Variants in DTNA observed in about 807,000 individuals in gnomAD.
The protein encoded by DTNA is dystrobrevin alpha.
A neutral mutation model predicts 100.7 loss-of-function variants in DTNA; 43 were observed. The observed-to-expected ratio is 0.43, with a 90% confidence interval of 0.33 to 0.55. DTNA has a LOEUF of 0.55. Ranked by LOEUF, DTNA falls within the 20% of genes least tolerant of loss-of-function variation. The probability of loss-of-function intolerance (pLI) is 0.04; values close to 1 mark genes in which losing one functional copy is unlikely to be tolerated. For missense variants in DTNA, 798 were observed against 953.9 expected, an observed-to-expected ratio of 0.84 and a Z score of 2.15; for synonymous variants, 349 against 347.9, an observed-to-expected ratio of 1.00 and a Z score of -0.04.
chr18:34,506,433 G>A (rs1398214408), intron 1 of DTNA, among the ~76,000 whole-genome samples: 5 of 152,200 alleles, frequency 3.3e-5, no homozygotes, highest in African/African-American at 1.2e-4. Context: ...GTGGGGATGG[G>A]AGAAGTTGGG....
Position 34,889,057 on chromosome 18 carries a change from AGGG to A in DTNA, c.*1324_*1326del. ...AGTCTTTTCCAAGGACCCTCTTTAGAGGGCCCTAAAGACCTCCTTTGGGAATTC... is the reference window on the plus strand; with the variant it reads ...AGTCTTTTCCAAGGACCCTCTTTAGACCCTAAAGACCTCCTTTGGGAATTC... On this transcript the variant is annotated 3_prime_UTR_variant, in exon 23 of 23. Transcript: ENST00000444659. The A allele has an allele frequency of 1.0e-6, 1 of 985,808 alleles. No individual in the cohort carries two copies. The highest frequency in any genetic ancestry group is 1.2e-6 in the Non-Finnish European group (1 of 829,932). 61.1% of individuals were successfully genotyped at this position (985,808 alleles called of 1,614,324 possible). A position where few individuals can be genotyped will look rare whatever the true frequency, so the allele number is the denominator to read the frequency against.
intron 1 of DTNA, among the ~76,000 whole-genome samples, chr18:34,699,501 A>T (rs749113485): frequency 7.2e-5 from 11 of 152,216 alleles, no homozygotes; most frequent in Non-Finnish European, 1.6e-4. Context: ...TACCCTTGCA[A>T]ATACACCCAG....
At chr18:34,647,742 A>C (rs1021955423) in intron 1 of DTNA, among the ~76,000 whole-genome samples, 1 of 152,242 alleles carries the variant, frequency 6.6e-6, no homozygotes, top group Admixed American at 6.5e-5. Flanking sequence ...GTCTTAAAGA[A>C]AAGACATTAA....
rs774912781 is a variant in DTNA at position 34,794,127 on chromosome 18, G to A, written c.239G>A (p.Arg80His). 7.7e-5 allele frequency: 124 copies of A among 1,613,974 alleles called. No individual in the cohort carries two copies. Among genetic ancestry groups the A allele is most frequent in the Non-Finnish European group, 8.9e-5 (105 of 1,180,026 alleles). ...CCAAACACTGAACTCAACGTGTCCC[G>A]CTTAGAGGCTGTGCTCTCCACTATT... is the stretch of plus-strand genomic sequence containing the variant. ...LDPNTELNVS[R>H]LEAVLSTIFY... Residue 80 changes from arginine (R) to histidine (H), a missense_variant, in exon 4 of 23, where the codon CGC (arginine) becomes CAC (histidine). This residue lies in a region of DTNA where 197 missense variants were observed against 215.4 expected (regional missense o/e 0.91). Coordinates refer to ENST00000444659, the MANE Select transcript of DTNA (RefSeq NM_001386795.1).
At chr18:34,667,160 T>G (rs1369552882) in intron 1 of DTNA, among the ~76,000 whole-genome samples, 1 of 152,220 alleles carries the variant, frequency 6.6e-6, no homozygotes, top group East Asian at 1.9e-4. Context: ...GATGGATTCC[T>G]AGGTATTTTA....
At chr18:34,681,498 C>T (rs570913385) in intron 1 of DTNA, among the ~76,000 whole-genome samples, 16 of 152,190 alleles carry the variant, frequency 1.1e-4, no homozygotes, top group African/African-American at 3.9e-4. Context: ...CGTGAGCTTC[C>T]AGTCATTCCT....
At chr18:34,517,360 A>G (rs1443806863) in intron 1 of DTNA, among the ~76,000 whole-genome samples, 1 of 152,106 alleles carries the variant, frequency 6.6e-6, no homozygotes, top group East Asian at 1.9e-4. Context: ...AATTTACCCA[A>G]TGGTAACAGC....
At chr18:34,586,577 C>T (rs1004336191) in intron 1 of DTNA, among the ~76,000 whole-genome samples, 1 of 152,104 alleles carries the variant, frequency 6.6e-6, no homozygotes, top group Non-Finnish European at 1.5e-5. Flanking sequence ...TTGGCTATCA[C>T]CTGTCATTTT....
At chr18:34,511,319 A>G (rs1370701360) in intron 1 of DTNA, among the ~76,000 whole-genome samples, 2 of 152,124 alleles carry the variant, frequency 1.3e-5, no homozygotes, top group Non-Finnish European at 1.5e-5. Flanking sequence ...CATCTGTATT[A>G]TCTCAATCCT....
At chr18:34,581,590 G>A (rs567292619) in intron 1 of DTNA, among the ~76,000 whole-genome samples, 179 of 150,324 alleles carry the variant, frequency 1.2e-3, no homozygotes, top group Admixed American at 2.1e-3. Flanking sequence ...AAATATGGGG[G>A]CAATATGGCA....
chr18:34,523,203 A>G (rs1293880620), intron 1 of DTNA, among the ~76,000 whole-genome samples: 1 of 152,188 alleles, frequency 6.6e-6, no homozygotes, highest in Non-Finnish European at 1.5e-5. Flanking sequence ...AGAATCACCA[A>G]TATACTCCTT....
chr18:34,870,924 C>G (rs1308111387), intron 17 of DTNA, among the ~76,000 whole-genome samples: 1 of 152,212 alleles, frequency 6.6e-6, no homozygotes, highest in Non-Finnish European at 1.5e-5. Flanking sequence ...CCACAACACT[C>G]TATACACAAT....
chr18:34,885,107 C>T (rs550983036), intron 22 of DTNA, among the ~76,000 whole-genome samples: 1 of 152,122 alleles, frequency 6.6e-6, no homozygotes, highest in South Asian at 2.1e-4. Context: ...ATGACAATAT[C>T]GGAGTTTGTA....
chr18:34,812,333 CTG>C (rs1357054017), intron 6 of DTNA, among the ~76,000 whole-genome samples: 2 of 152,174 alleles, frequency 1.3e-5, no homozygotes, highest in African/African-American at 4.8e-5. Context: ...GAGGCAGGCA[CTG>C]TGCTAAATTT....
intron 1 of DTNA, among the ~76,000 whole-genome samples, chr18:34,589,699 T>C (rs1018253590): frequency 6.6e-6 from 1 of 152,222 alleles, no homozygotes; most frequent in Non-Finnish European, 1.5e-5. Context: ...CTGTAGTCTT[T>C]GTTCTATATG....
chr18:34,888,063 C>T lies in DTNA; in HGVS notation c.*329C>T, dbSNP rs139929781. On this transcript the variant is annotated 3_prime_UTR_variant, in exon 23 of 23. Transcript: ENST00000444659. The stretch of plus-strand genomic sequence containing the variant: ...CTACATCCTCTGTAACGTGGTTCAT[C>T]CCTGGTTAAAAAGCAAACAAACACA... The T allele has an allele frequency of 0.022, 21,282 of 985,880 alleles. 253 individuals carry two copies. Among genetic ancestry groups the T allele is most frequent in the Middle Eastern group, 0.027 (51 of 1,914 alleles). The allele number at this position is 985,880 out of a possible 1,614,324, so 61.1% of individuals were successfully genotyped here.
At chr18:34,749,569 G>A (rs1167218223) in intron 1 of DTNA, among the ~76,000 whole-genome samples, 1 of 151,474 alleles carries the variant, frequency 6.6e-6, no homozygotes, top group Non-Finnish European at 1.5e-5. Flanking sequence ...ACTTGATAAG[G>A]GAAACCAAAT....
At position 34,873,578 on chromosome 18, in the gene DTNA, G is replaced by A. The variant is rs577053854; in HGVS notation, c.1744-1661G>A. Among the ~76,000 whole-genome samples the A allele has an allele frequency of 1.2e-3, 176 of 152,282 alleles. 2 individuals carry two copies. Among genetic ancestry groups the A allele is most frequent in the Non-Finnish European group, 7.6e-4 (52 of 68,020 alleles). The stretch of plus-strand genomic sequence containing the variant: ...GCCCCAGCCCTGCCCCTCTGACTCC[G>A]TCTCCAGATAAAGCAATTATTTTCA... On this transcript the variant is annotated intron_variant, in intron 17 of 22. Transcript: ENST00000444659.
chr18:34,535,506 A>G (rs2043610425), intron 1 of DTNA, among the ~76,000 whole-genome samples: 2 of 151,924 alleles, frequency 1.3e-5, no homozygotes, highest in African/African-American at 2.4e-5. Flanking sequence ...ATTAGATCCC[A>G]TTTGTCAAAT....
Sources: allele counts gnomAD v4.1 joint callset (sites outside exome capture counted in the v4.1 genomes callset), GRCh38; gene constraint gnomAD v4.1.1; regional missense constraint gnomAD v4.1.1; transcripts MANE v1.5; gene names NCBI Gene and HGNC (gene_info 2026-07-23, HGNC 2026-07-21).